Variants in GRM3 observed in about 807,000 individuals in gnomAD.
GRM3 encodes the protein metabotropic glutamate receptor 3.
A neutral mutation model predicts 70.5 loss-of-function variants in GRM3; 26 were observed. The ratio of observed to expected loss-of-function variants is 0.37; its 90% confidence interval spans 0.27 to 0.51. The LOEUF is 0.51. Ranked by LOEUF, GRM3 falls within the 20% of genes least tolerant of loss-of-function variation. The pLI is 0.93. For missense variants in GRM3, 859 were observed against 1,123.8 expected (o/e 0.76, Z 3.37); for synonymous variants, 443 against 434.9 (o/e 1.02, Z -0.23).
chr7:86,732,151 T>C (rs12671181), intron 1 of GRM3, among the ~76,000 whole-genome samples: 13,380 of 152,214 alleles, frequency 0.088, 667 homozygotes, highest in Middle Eastern at 0.13. Flanking sequence ...TCAAAATATA[T>C]GTATTAAGAG....
At chr7:86,701,679 T>C (rs559635718) in intron 1 of GRM3, among the ~76,000 whole-genome samples, 18 of 151,986 alleles carry the variant, frequency 1.2e-4, no homozygotes, top group African/African-American at 4.3e-4. Context: ...GACCTTCAAG[T>C]TTCAGACCCA....
At chr7:86,687,246 C>T (rs1031715388) in intron 1 of GRM3, among the ~76,000 whole-genome samples, 1 of 151,776 alleles carries the variant, frequency 6.6e-6, no homozygotes, top group African/African-American at 2.4e-5. Context: ...ATTTTATAGA[C>T]ATAAGATCCA....
At chr7:86,701,242 AATATT>A (rs1794940694) in intron 1 of GRM3, among the ~76,000 whole-genome samples, 1 of 151,984 alleles carries the variant, frequency 6.6e-6, no homozygotes, top group South Asian at 2.1e-4. Flanking sequence ...TATTAACTAG[AATATT>A]ATAATAACCA....
chr7:86,786,621 C>G lies in GRM3; in HGVS notation c.829C>G (p.Arg277Gly), dbSNP rs1301623797. Residue 277 changes from arginine to glycine, a missense_variant, in exon 3 of 6, where the codon CGC becomes GGC. Physicochemically the swap from Arg to Gly is moderately radical, Grantham distance 125. Coordinates refer to ENST00000361669, the MANE Select transcript of GRM3 (RefSeq NM_000840.3). This position sits in a 1 kb window ranked among gnomAD's most constrained non-coding sequence, Gnocchi z 6.0. ...CGCGCGCGTCGTGGTCCTCTTCATG[C>G]GCAGCGACGACTCGCGGGAGCTCAT... ...PNARVVVLFM[R>G]SDDSRELIAA... 2 of 1,612,774 alleles carry G rather than the reference C, an allele frequency of 1.2e-6. No homozygotes were observed. The highest frequency in any genetic ancestry group is 1.7e-6 in the Non-Finnish European group (2 of 1,179,966).
intron 3 of GRM3, among the ~76,000 whole-genome samples, chr7:86,811,213 A>G (rs941875963): frequency 1.3e-5 from 2 of 151,956 alleles, no homozygotes; most frequent in African/African-American, 4.8e-5. Flanking sequence ...CATTAGAGTA[A>G]AAGTTGAAGA....
At chr7:86,799,666 AC>A (rs761288395) in intron 3 of GRM3, among the ~76,000 whole-genome samples, 36 of 152,062 alleles carry the variant, frequency 2.4e-4, no homozygotes, top group South Asian at 1.9e-3. Flanking sequence ...AGCTGGGACT[AC>A]AGGCGCCCAC....
chr7:86,804,722 T>A (rs917552050), intron 3 of GRM3, among the ~76,000 whole-genome samples: 1 of 152,126 alleles, frequency 6.6e-6, no homozygotes, highest in South Asian at 2.1e-4. Context: ...AGATATGATA[T>A]TTTTGTCCTT....
rs550126177 is a variant in GRM3 at position 86,737,558 on chromosome 7, G to A, written c.-140-27448G>A. On this transcript the variant is annotated intron_variant, in intron 1 of 5. Coordinates refer to ENST00000361669, the MANE Select transcript of GRM3 (RefSeq NM_000840.3). ...AACACAGTACCAGGCACATAATGAAGTACTCAATTTGTTACGGTTATTATT... is the reference window on the plus strand; with the variant it reads ...AACACAGTACCAGGCACATAATGAAATACTCAATTTGTTACGGTTATTATT... Among the ~76,000 whole-genome samples, 8 of 152,206 alleles carry A rather than the reference G, an allele frequency of 5.3e-5. No individual in the cohort carries two copies. The South Asian group carries it at 1.5e-3, about 28-fold the overall frequency.
intron 1 of GRM3, among the ~76,000 whole-genome samples, chr7:86,658,048 A>T (rs802442): frequency 0.67 from 101,520 of 152,042 alleles, 34,257 homozygotes; most frequent in East Asian, 0.87. Flanking sequence ...GACTTACAAA[A>T]CAAATCAATA....
chr7:86,747,495 GTTCTCTTTA>G (rs1364466446), intron 1 of GRM3, among the ~76,000 whole-genome samples: 1 of 152,084 alleles, frequency 6.6e-6, no homozygotes, highest in East Asian at 1.9e-4. Flanking sequence ...CAAAGCCTTT[GTTCTCTTTA>G]TAGGTTTTAT....
At chr7:86,795,786 G>A (rs552703236) in intron 3 of GRM3, among the ~76,000 whole-genome samples, 1 of 152,226 alleles carries the variant, frequency 6.6e-6, no homozygotes, top group African/African-American at 2.4e-5. Flanking sequence ...TGGGTCAAAT[G>A]GTATTTCTGG....
At chr7:86,841,995 A>G (rs1365995879) in intron 4 of GRM3, among the ~76,000 whole-genome samples, 3 of 152,150 alleles carry the variant, frequency 2.0e-5, no homozygotes, top group African/African-American at 7.2e-5. Context: ...GCCAATCCTA[A>G]GTTTACAAAA....
At chr7:86,814,264 G>T (rs1797971686) in intron 3 of GRM3, among the ~76,000 whole-genome samples, 1 of 151,624 alleles carries the variant, frequency 6.6e-6, no homozygotes, top group Admixed American at 6.6e-5. Context: ...TAAGTTATTG[G>T]GGTACCGGTG....
intron 1 of GRM3, among the ~76,000 whole-genome samples, chr7:86,735,834 T>C (rs964217560): frequency 2.0e-5 from 3 of 152,212 alleles, no homozygotes; most frequent in South Asian, 4.1e-4. Flanking sequence ...ATAAATAAAG[T>C]TTAAAAACCC....
chr7:86,780,011 A>G (rs571266948), intron 2 of GRM3, among the ~76,000 whole-genome samples: 2 of 152,310 alleles, frequency 1.3e-5, no homozygotes, highest in South Asian at 4.1e-4. Flanking sequence ...GCTGAGAATG[A>G]TGGTTTCCAG....
intron 1 of GRM3, among the ~76,000 whole-genome samples, chr7:86,740,865 T>C (rs1795972757): frequency 6.6e-6 from 1 of 152,186 alleles, no homozygotes; most frequent in South Asian, 2.1e-4. Flanking sequence ...ACCATATCCA[T>C]TTTTTTCCTG....
intron 1 of GRM3, among the ~76,000 whole-genome samples, chr7:86,684,472 C>T (rs2237543): frequency 6.6e-6 from 1 of 152,074 alleles, no homozygotes; most frequent in African/African-American, 2.4e-5. Flanking sequence ...CAGATGGCAA[C>T]AAGTCTATGT....
At chr7:86,853,143 T>G (rs1262757475) in intron 5 of GRM3, among the ~76,000 whole-genome samples, 1 of 152,126 alleles carries the variant, frequency 6.6e-6, no homozygotes, top group Non-Finnish European at 1.5e-5. Flanking sequence ...CATTATTGGG[T>G]CATGAAATTT....
intron 1 of GRM3, among the ~76,000 whole-genome samples, chr7:86,690,388 A>G (rs1255249498): frequency 6.6e-6 from 1 of 152,190 alleles, no homozygotes; most frequent in East Asian, 1.9e-4. Flanking sequence ...AAGAGAACAG[A>G]CATGATCTGC....
Sources: gnomAD v4.1 joint callset for allele counts (sites outside exome capture counted in the v4.1 genomes callset) on GRCh38, gnomAD v4.1.1 for gene constraint, Gnocchi (gnomAD v3.1) non-coding constraint, MANE v1.5 for transcripts, NCBI Gene and HGNC (gene_info 2026-07-23, HGNC 2026-07-21) for gene names.